NTN1: variants seen among roughly 807,000 people sequenced by gnomAD.
NTN1 encodes the protein netrin 1.
A neutral mutation model predicts 54.2 loss-of-function variants in NTN1; 11 were observed. That is an observed-to-expected ratio of 0.20 (90% confidence interval 0.13 to 0.34). The LOEUF (loss-of-function observed/expected upper bound fraction) is 0.34. Among genes scored for constraint, NTN1 ranks in the 10% least tolerant of loss-of-function variants. The pLI, the probability that NTN1 is intolerant of heterozygous loss-of-function variation, is 1.00. For missense variants in NTN1, 740 were observed against 893.1 expected, an observed-to-expected ratio of 0.83 and a Z score of 2.18; for synonymous variants, 371 against 382.0, an observed-to-expected ratio of 0.97 and a Z score of 0.33.
chr17:9,017,324 C>A (rs116052765), upstream of NTN1, among the ~76,000 whole-genome samples: 1,313 of 152,292 alleles, frequency 8.6e-3, 23 homozygotes, highest in African/African-American at 0.03. Context: ...CCCCAGACAG[C>A]CTGGCTTCTG....
At chr17:9,101,747 C>A (rs571141302) in intron 2 of NTN1, among the ~76,000 whole-genome samples, 1 of 152,312 alleles carries the variant, frequency 6.6e-6, no homozygotes, top group South Asian at 2.1e-4. Context: ...CACACCAGCA[C>A]TTTGGGAGGC....
rs772486953 is a variant in NTN1, at chr17:9,162,886, C to G, written c.1092C>G (p.Ser364Arg). 1 of 1,614,088 alleles carries G rather than the reference C, an allele frequency of 6.2e-7. No homozygotes were observed. Among genetic ancestry groups the G allele is most frequent in the Admixed American group, 1.7e-5 (1 of 60,030 alleles). The change falls in exon 3 of 7, where the codon AGC becomes AGG. Residue 364 changes from serine to arginine, a missense_variant. By Grantham distance (110) the Ser-to-Arg change is moderately radical. Coordinates refer to ENST00000173229, the MANE Select transcript of NTN1 (RefSeq NM_004822.3). The part of the protein sequence containing the change: ...MELYKLSGRK[S>R]GGVCLNCRHN... The stretch of plus-strand genomic sequence containing the variant: ...TCTACAAGCTTTCGGGGCGCAAGAG[C>G]GGAGGTGTCTGCCTCAACTGTCGCC...
chr17:9,107,438 A>G (rs1374904696), intron 2 of NTN1, among the ~76,000 whole-genome samples: 1 of 152,308 alleles, frequency 6.6e-6, no homozygotes, highest in East Asian at 1.9e-4. Flanking sequence ...CCCGGTTATG[A>G]CTGTTTCCAG....
In NTN1 at chr17:9,132,372, C is replaced by T. The variant is rs746585832; in HGVS notation, c.1019-30441C>T. On this transcript the variant is annotated intron_variant, in intron 2 of 6. Coordinates refer to ENST00000173229, the MANE Select transcript of NTN1 (RefSeq NM_004822.3). ...TCCTGGAAAACTCCTATGCATCTCA[C>T]ACTAGCTTTGAACCTTCTACCCAGC... Among the ~76,000 whole-genome samples, 33 of 152,302 alleles carry T rather than the reference C, an allele frequency of 2.2e-4. 1 individual carries two copies. Among genetic ancestry groups the T allele is most frequent in the Middle Eastern group, 3.4e-3 (1 of 294 alleles).
In NTN1 at chr17:9,145,096, C is replaced by T. The variant is rs1194434985; in HGVS notation, c.1019-17717C>T. Among the ~76,000 whole-genome samples the T allele has an allele frequency of 2.0e-5, 3 of 152,218 alleles. 1 individual carries two copies. The East Asian group carries it at 5.8e-4, about 29-fold the overall frequency. ...GAGGCAGGCGCATGAAATCCGAACT[C>T]TGGAGGGAAATTTACTGCACAATAA... On this transcript the variant is annotated intron_variant, in intron 2 of 6. Coordinates refer to ENST00000173229, the MANE Select transcript of NTN1 (RefSeq NM_004822.3).
the NTN1 span, among the ~76,000 whole-genome samples, chr17:9,015,715 C>G: frequency 6.6e-6 from 1 of 152,004 alleles, no homozygotes; most frequent in African/African-American, 2.4e-5. Flanking sequence ...AGGAGTGGGG[C>G]GCTGTTGTCC....
chr17:9,147,066 G>A (rs2092315719), intron 2 of NTN1, among the ~76,000 whole-genome samples: 1 of 152,172 alleles, frequency 6.6e-6, no homozygotes, highest in African/African-American at 2.4e-5. Context: ...GGAAGAGCTT[G>A]TGGCTTTCCC....
intron 2 of NTN1, among the ~76,000 whole-genome samples, chr17:9,080,812 G>A (rs557417651): frequency 2.0e-5 from 3 of 152,350 alleles, no homozygotes; most frequent in Admixed American, 6.5e-5. Flanking sequence ...GAAGGACAGC[G>A]TTTGGAGAGC....
chr17:9,039,539 CA>C (rs1312444900), intron 2 of NTN1, among the ~76,000 whole-genome samples: 1 of 152,058 alleles, frequency 6.6e-6, no homozygotes, highest in African/African-American at 2.4e-5. Context: ...GTAAATTGCA[CA>C]TATATAAAAA....
At chr17:9,038,348 A>T (rs1481468077) in intron 2 of NTN1, among the ~76,000 whole-genome samples, 1 of 148,208 alleles carries the variant, frequency 6.7e-6, no homozygotes, top group Admixed American at 6.9e-5. Context: ...CTAAGACACT[A>T]TTTAATTTAC....
chr17:9,114,476 G>A (rs868848215), intron 2 of NTN1, among the ~76,000 whole-genome samples: 20 of 151,738 alleles, frequency 1.3e-4, no homozygotes, highest in Middle Eastern at 3.4e-3. Context: ...CATGGAGGCC[G>A]GGCACTGTGG....
intron 5 of NTN1, among the ~76,000 whole-genome samples, chr17:9,201,166 G>T (rs1355954634): frequency 6.6e-6 from 1 of 152,230 alleles, no homozygotes; most frequent in African/African-American, 2.4e-5. Flanking sequence ...CTGCTGGCAG[G>T]TGTTTCTCTG....
At position 9,223,542 on chromosome 17, in the gene NTN1, G is replaced by A. The variant is rs190848949; in HGVS notation, c.1486+2300G>A. 6.2e-4 allele frequency among the ~76,000 whole-genome samples: 89 copies of A among 144,676 alleles called. 1 individual carries two copies. Among genetic ancestry groups the A allele is most frequent in the African/African-American group, 2.2e-3 (86 of 38,762 alleles). The allele number at this position is 144,676 out of a possible 152,430, so 94.9% of individuals were successfully genotyped here. On this transcript the variant is annotated intron_variant, in intron 6 of 6. Transcript: ENST00000173229. ...ACTCCAGACTGGCCTGGGCGACAGA[G>A]TGAGACTCTGTCTCAAAAAAAAGAA... is the stretch of plus-strand genomic sequence containing the variant.
intron 2 of NTN1, among the ~76,000 whole-genome samples, chr17:9,081,034 T>C (rs1370439064): frequency 1.3e-5 from 2 of 152,186 alleles, no homozygotes; most frequent in East Asian, 3.9e-4. Flanking sequence ...CCTTGACTTA[T>C]AGCTGGTTGG....
intron 2 of NTN1, among the ~76,000 whole-genome samples, chr17:9,138,537 G>A (rs967911110): frequency 6.6e-6 from 1 of 152,198 alleles, no homozygotes; most frequent in Non-Finnish European, 1.5e-5. Flanking sequence ...AGTGCCCTGC[G>A]TGGATGGGAG....
In NTN1 at chr17:9,165,537, G is replaced by A. The variant is rs569113254; in HGVS notation, c.1207+2536G>A. Among the ~76,000 whole-genome samples the A allele has an allele frequency of 5.3e-5, 8 of 152,334 alleles. No individual in the cohort carries two copies. Among genetic ancestry groups the A allele is most frequent in the South Asian group, 2.1e-4 (1 of 4,818 alleles). ...CCCAGCCATGGACAGCAGCTGCCCC[G>A]GCCTTGGTGGGAACCCTGGGAGAAT... is the stretch of plus-strand genomic sequence containing the variant. On this transcript the variant is annotated intron_variant, in intron 3 of 6. Coordinates refer to ENST00000173229, the MANE Select transcript of NTN1 (RefSeq NM_004822.3). This position sits in a 1 kb window ranked among gnomAD's most constrained non-coding sequence, Gnocchi z 4.5.
chr17:9,091,924 G>A (rs141722329), intron 2 of NTN1, among the ~76,000 whole-genome samples: 2,159 of 152,100 alleles, frequency 0.014, 23 homozygotes, highest in Non-Finnish European at 0.022. Context: ...CTAGGAATCT[G>A]ACTACTCTAG....
chr17:9,189,353 T>C (rs1199303330), intron 5 of NTN1, among the ~76,000 whole-genome samples: 1 of 151,850 alleles, frequency 6.6e-6, no homozygotes, highest in Non-Finnish European at 1.5e-5. Flanking sequence ...AGAAGTTATG[T>C]TTTTGTTTGT....
intron 5 of NTN1, 73 bp downstream of exon 5, chr17:9,183,042 A>C (rs1207954295): frequency 6.7e-7 from 1 of 1,491,514 alleles, no homozygotes; most frequent in Non-Finnish European, 9.4e-7. Context: ...TTAATGGGGA[A>C]GGGGCATTGG....
Sources: gnomAD v4.1 joint callset for allele counts (sites outside exome capture counted in the v4.1 genomes callset) on GRCh38, gnomAD v4.1.1 for gene constraint, Gnocchi (gnomAD v3.1) non-coding constraint, MANE v1.5 for transcripts, NCBI Gene and HGNC (gene_info 2026-07-23, HGNC 2026-07-21) for gene names.